Variants in GNPAT observed in about 807,000 individuals in gnomAD.
The protein encoded by GNPAT is glyceronephosphate O-acyltransferase.
A neutral mutation model predicts 78.4 loss-of-function variants in GNPAT; 30 were observed. The observed-to-expected ratio is 0.38, with a 90% CI of 0.29 to 0.52. The LOEUF (loss-of-function observed/expected upper bound fraction) is 0.52. Among genes scored for constraint, GNPAT ranks in the 20% least tolerant of loss-of-function variants. The pLI, the probability that GNPAT is intolerant of heterozygous loss-of-function variation, is 0.84. For missense variants in GNPAT, 714 were observed against 812.2 expected, an observed-to-expected ratio of 0.88 and a Z score of 1.47; for synonymous variants, 271 against 281.1, an observed-to-expected ratio of 0.96 and a Z score of 0.36.
chr1:231,277,756 G>A lies in GNPAT; in HGVS notation c.*214G>A, dbSNP rs1218490256. On this transcript the variant is annotated 3_prime_UTR_variant, in exon 16 of 16. Transcript: ENST00000366647. ...AAAAGGCGTTTGTATCTGACACTAT[G>A]TGTGTGTTTTAAAATAAACTTTTGG... The A allele has an allele frequency of 1.9e-6, 1 of 530,976 alleles. No individual in the cohort carries two copies. The highest frequency in any genetic ancestry group is 1.9e-5 in the African/African-American group (1 of 52,696). 32.9% of individuals were successfully genotyped at this position (530,976 alleles called of 1,614,324 possible).
At chr1:231,257,747 A>G (rs925361435) in intron 2 of GNPAT, among the ~76,000 whole-genome samples, 1 of 152,112 alleles carries the variant, frequency 6.6e-6, no homozygotes, top group Non-Finnish European at 1.5e-5. Flanking sequence ...TTCCTAGATT[A>G]TTGGGGTTCA....
intron 2 of GNPAT, among the ~76,000 whole-genome samples, chr1:231,255,953 C>T (rs962925798): frequency 1.3e-5 from 2 of 152,098 alleles, no homozygotes; most frequent in African/African-American, 4.8e-5. Flanking sequence ...CACCCTAAGC[C>T]CCATGTCTTT....
chr1:231,268,893 G>A (rs1277621170), intron 9 of GNPAT, among the ~76,000 whole-genome samples: 5 of 133,384 alleles, frequency 3.7e-5, no homozygotes, highest in East Asian at 2.2e-4. Context: ...GTGATAGAGC[G>A]AGATTCCGTC....
chr1:231,254,639 A>G (rs544575422), intron 2 of GNPAT, among the ~76,000 whole-genome samples: 133 of 151,136 alleles, frequency 8.8e-4, no homozygotes, highest in African/African-American at 2.0e-3. Context: ...TAGTAGAGAC[A>G]GGGTTTCACC....
chr1:231,259,603 C>T (rs1464236212), intron 2 of GNPAT, among the ~76,000 whole-genome samples: 1 of 147,106 alleles, frequency 6.8e-6, no homozygotes, highest in Non-Finnish European at 1.5e-5. Flanking sequence ...GCCGAGATTG[C>T]ACCATTGTAC....
At position 231,241,521 on chromosome 1, in the gene GNPAT, C is replaced by G. The variant is rs999285866; in HGVS notation, c.78+65C>G. On this transcript the variant is annotated intron_variant, in intron 1 of 15. Transcript: ENST00000366647. ...CGAAATAGTACCCCTTTCTCCCAGTCCCTATTCCTCCGGCCCACCACCCTT... is the reference window on the plus strand; with the variant it reads ...CGAAATAGTACCCCTTTCTCCCAGTGCCTATTCCTCCGGCCCACCACCCTT... The G allele has an allele frequency of 5.2e-6, 6 of 1,161,630 alleles. No homozygotes were observed. The Admixed American group carries it at 6.7e-5, about 13-fold the overall frequency. The allele number at this position is 1,161,630 out of a possible 1,614,324, so 72.0% of individuals were successfully genotyped here. A position where few individuals can be genotyped will look rare whatever the true frequency, so the allele number is the denominator to read the frequency against.
chr1:231,255,473 G>GA (rs1685026573), intron 2 of GNPAT, among the ~76,000 whole-genome samples: 1 of 152,092 alleles, frequency 6.6e-6, no homozygotes, highest in Admixed American at 6.5e-5. Flanking sequence ...ACCCAGGCTG[G>GA]AGTACAGTGG....
chr1:231,273,988 C>A lies in GNPAT; in HGVS notation c.1669C>A (p.Leu557Ile). 6.2e-7 allele frequency: 1 copy of A among 1,607,840 alleles called. No individual in the cohort carries two copies. Among genetic ancestry groups the A allele is most frequent in the Non-Finnish European group, 8.5e-7 (1 of 1,174,258 alleles). The change falls in exon 12 of 16, where the codon CTA (leucine) becomes ATA (isoleucine). Residue 557 changes from leucine to isoleucine, a missense_variant. Transcript: ENST00000366647. ...CATACAAGTGACTACGAAAGACATC[C>A]TAGTTACAGAGAAAGGAAATACTGT... ...EAIQVTTKDILVTEKGNTVLE... is the reference protein window; with the variant it reads ...EAIQVTTKDIIVTEKGNTVLE...
chr1:231,258,622 ATTTTT>A (rs748666053), intron 2 of GNPAT, among the ~76,000 whole-genome samples: 3 of 73,762 alleles, frequency 4.1e-5, no homozygotes, highest in Non-Finnish European at 7.2e-5. Flanking sequence ...TTTTAATGCA[ATTTTT>A]TTTTTTTTTT....
chr1:231,265,591 A>G (rs951294532), intron 5 of GNPAT, 121 bp from the exon 6 acceptor site: 10 of 881,728 alleles, frequency 1.1e-5, no homozygotes, highest in Non-Finnish European at 1.7e-5. Context: ...TTTAATTTTC[A>G]CTGTAAGCTG....
chr1:231,247,784 G>A (rs148781658), intron 1 of GNPAT, among the ~76,000 whole-genome samples: 1,738 of 152,308 alleles, frequency 0.011, 12 homozygotes, highest in Middle Eastern at 0.065. Flanking sequence ...CTGGGAACAC[G>A]TAGTGTGTTT....
intron 9 of GNPAT, among the ~76,000 whole-genome samples, chr1:231,268,762 C>T (rs1012091817): frequency 3.3e-5 from 5 of 151,870 alleles, no homozygotes; most frequent in African/African-American, 9.7e-5. Flanking sequence ...AAAAATTAGC[C>T]GGGCATGGTG....
In GNPAT at chr1:231,272,323, A is replaced by G; in HGVS notation, c.1534A>G (p.Ser512Gly). 1.9e-6 allele frequency: 3 copies of G among 1,571,954 alleles called. No individual in the cohort carries two copies. Among genetic ancestry groups the G allele is most frequent in the Non-Finnish European group, 2.6e-6 (3 of 1,142,012 alleles). ...TPGFRKEDVYSCFRFLRDVFA... is the reference protein window; with the variant it reads ...TPGFRKEDVYGCFRFLRDVFA... ...GCATTTATTTCCAGAGGATGTCTAC[A>G]GTTGCTTTCGCTTCCTACGTGATGT... Residue 512 changes from serine to glycine, a missense_variant, in exon 11 of 16, where the codon AGT (serine) becomes GGT (glycine). Physicochemically the swap from Ser to Gly is moderately conservative, Grantham distance 56 (BLOSUM62 0). Coordinates refer to ENST00000366647, the MANE Select transcript of GNPAT (RefSeq NM_014236.4).
rs774644309 is a variant in GNPAT at position 231,274,327 on chromosome 1, T to TA, written c.1743+266dup. ...GTCACAGTATTCACAGGACCACAGTTACACCCACGCATCATCTGTCATACT... is the reference window on the plus strand; with the variant it reads ...GTCACAGTATTCACAGGACCACAGTTAACACCCACGCATCATCTGTCATACT... On this transcript the variant is annotated intron_variant, in intron 12 of 15. Transcript: ENST00000366647. Among the ~76,000 whole-genome samples, 19 of 152,326 alleles carry TA rather than the reference T, an allele frequency of 1.2e-4. No homozygotes were observed. The East Asian group carries it at 3.3e-3, about 26-fold the overall frequency.
chr1:231,277,135 G>A (rs1240306824), intron 15 of GNPAT, among the ~76,000 whole-genome samples: 1 of 152,214 alleles, frequency 6.6e-6, no homozygotes, highest in African/African-American at 2.4e-5. Flanking sequence ...TTTATATCGT[G>A]TCTGAAGAGG....
At chr1:231,257,703 T>C (rs966121188) in intron 2 of GNPAT, among the ~76,000 whole-genome samples, 3 of 152,212 alleles carry the variant, frequency 2.0e-5, no homozygotes, top group African/African-American at 7.2e-5. Context: ...TTTCCATCTA[T>C]AGCTTGGTGG....
At position 231,260,500 on chromosome 1, in the gene GNPAT, CT is replaced by C. The variant is rs35986941; in HGVS notation, c.262-3del. The C allele has an allele frequency of 6.3e-7, 1 of 1,597,640 alleles. No individual in the cohort carries two copies. The highest frequency in any genetic ancestry group is 8.6e-7 in the Non-Finnish European group (1 of 1,165,666). On this transcript the variant is annotated splice_region_variant and splice_polypyrimidine_tract_variant and intron_variant, in intron 2 of 15. Transcript: ENST00000366647. The stretch of plus-strand genomic sequence containing the variant: ...AGAAATTATTCCTGCTTTTCCTTTC[CT>C]TTTAGCTTTCCAAGGAATCCCTTCA...
intron 2 of GNPAT, among the ~76,000 whole-genome samples, chr1:231,254,864 GC>G (rs1315778117): frequency 6.6e-6 from 1 of 151,362 alleles, no homozygotes; most frequent in Non-Finnish European, 1.5e-5. Context: ...TGATTCTCCT[GC>G]CTCAGCGTCC....
At chr1:231,254,832 A>G (rs1025382980) in intron 2 of GNPAT, among the ~76,000 whole-genome samples, 11 of 151,572 alleles carry the variant, frequency 7.3e-5, no homozygotes, top group Non-Finnish European at 1.3e-4. Flanking sequence ...GTTCACTGCA[A>G]TCTCCGCCTC....
Sources: gnomAD v4.1 joint callset for allele counts (sites outside exome capture counted in the v4.1 genomes callset) on GRCh38, gnomAD v4.1.1 for gene constraint, MANE v1.5 for transcripts, NCBI Gene and HGNC (gene_info 2026-07-23, HGNC 2026-07-21) for gene names.